TRABD2B: variants seen among roughly 807,000 people sequenced by gnomAD.
TRABD2B encodes the protein metalloprotease TIKI2.
In TRABD2B, 14 loss-of-function variants were observed where a neutral mutation model predicts 40.1. The ratio of observed to expected loss-of-function variants is 0.35; its 90% CI spans 0.23 to 0.55. The LOEUF (loss-of-function observed/expected upper bound fraction) is 0.55, where lower values mean the gene tolerates loss of function less well. Among genes scored for constraint, TRABD2B ranks in the 20% least tolerant of loss-of-function variants. The pLI, the probability that TRABD2B is intolerant of heterozygous loss-of-function variation, is 0.90. For missense variants in TRABD2B, 541 were observed against 648.6 expected, an observed-to-expected ratio of 0.83 and a Z score of 1.80; for synonymous variants, 263 against 277.0, an observed-to-expected ratio of 0.95 and a Z score of 0.50.
intron 2 of TRABD2B, among the ~76,000 whole-genome samples, chr1:47,879,616 C>A (rs1194282463): frequency 6.6e-6 from 1 of 152,218 alleles, no homozygotes; most frequent in African/African-American, 2.4e-5. Flanking sequence ...GGTAAGAAAG[C>A]AATACATTGA....
intron 4 of TRABD2B, among the ~76,000 whole-genome samples, chr1:47,781,780 T>G (rs1226067178): frequency 6.6e-6 from 1 of 152,208 alleles, no homozygotes; most frequent in Non-Finnish European, 1.5e-5. Context: ...GCCCCAGAAC[T>G]GTGTAATGCG....
intron 2 of TRABD2B, among the ~76,000 whole-genome samples, chr1:47,925,770 T>G (rs1329414230): frequency 2.0e-5 from 3 of 152,250 alleles, no homozygotes; most frequent in Admixed American, 6.5e-5. Context: ...CAAGCATTAT[T>G]TTGTTGAATT....
At chr1:47,940,924 C>T (rs74072087) in intron 2 of TRABD2B, among the ~76,000 whole-genome samples, 2,487 of 152,314 alleles carry the variant, frequency 0.016, 65 homozygotes, top group African/African-American at 0.057. Flanking sequence ...AAATGTAGTT[C>T]TCACCACAGC....
Position 47,996,571 on chromosome 1 carries a change from G to T in TRABD2B, c.102+117C>A, listed in dbSNP as rs1036872380. ...GAAGGGCGCCCGAGGCTGCGCCCGG[G>T]GGGTGGAGGTGGAGCGGGCGGGCTA... On this transcript the variant is annotated intron_variant, in intron 1 of 6. Transcript: ENST00000606738. This position sits in a 1 kb window ranked among gnomAD's most constrained non-coding sequence, Gnocchi z 4.6. 40 of 1,125,298 alleles carry T rather than the reference G, an allele frequency of 3.6e-5. No homozygotes were observed. Among genetic ancestry groups the T allele is most frequent in the East Asian group, 2.7e-4 (7 of 25,878 alleles). The allele number at this position is 1,125,298 out of a possible 1,614,324, so 69.7% of individuals were successfully genotyped here. A position where few individuals can be genotyped will look rare whatever the true frequency, so the allele number is the denominator to read the frequency against.
At chr1:47,935,032 G>A (rs1316510994) in intron 2 of TRABD2B, among the ~76,000 whole-genome samples, 1 of 152,168 alleles carries the variant, frequency 6.6e-6, no homozygotes, top group Admixed American at 6.5e-5. Flanking sequence ...TGCCTCAGGA[G>A]GCAGCTTTGG....
At chr1:47,875,591 G>A (rs1290946736) in intron 2 of TRABD2B, among the ~76,000 whole-genome samples, 1 of 150,056 alleles carries the variant, frequency 6.7e-6, no homozygotes, top group African/African-American at 2.4e-5. Context: ...GAAGGCTGAG[G>A]TGGGGGCATC....
chr1:47,914,388 G>C (rs770005274), intron 2 of TRABD2B, among the ~76,000 whole-genome samples: 42 of 152,194 alleles, frequency 2.8e-4, no homozygotes, highest in Non-Finnish European at 4.1e-4. Flanking sequence ...TCAGGCTACC[G>C]TCCTGGTGAC....
rs1025584303 is a variant in TRABD2B at position 47,813,607 on chromosome 1, A to G, written c.667-11988T>C. Among the ~76,000 whole-genome samples the G allele has an allele frequency of 3.3e-5, 5 of 152,176 alleles. No homozygotes were observed. Among genetic ancestry groups the G allele is most frequent in the Non-Finnish European group, 7.3e-5 (5 of 68,040 alleles). On this transcript the variant is annotated intron_variant, in intron 2 of 6. Transcript: ENST00000606738. This position sits in a 1 kb window ranked among gnomAD's most constrained non-coding sequence, Gnocchi z 4.3. ...CTGCGTCTCAGCTTACCCATCTGCC[A>G]AGTGGGGTGTATATTTGTCCTGCCT...
chr1:47,774,485 C>T (rs1455119467), intron 6 of TRABD2B, among the ~76,000 whole-genome samples: 1 of 152,138 alleles, frequency 6.6e-6, no homozygotes, highest in East Asian at 1.9e-4. Flanking sequence ...ACTGAGATTG[C>T]AGGCAGAGGT....
intron 2 of TRABD2B, among the ~76,000 whole-genome samples, chr1:47,822,819 G>A (rs1570047122): frequency 6.6e-6 from 1 of 152,322 alleles, no homozygotes; most frequent in East Asian, 1.9e-4. Context: ...CAGGACACGA[G>A]TAATAAGAAC....
intron 2 of TRABD2B, among the ~76,000 whole-genome samples, chr1:47,946,670 T>C (rs1645264146): frequency 6.6e-6 from 1 of 152,232 alleles, no homozygotes; most frequent in Non-Finnish European, 1.5e-5. Flanking sequence ...ATCAATTTAA[T>C]GACACAAGGG....
intron 2 of TRABD2B, among the ~76,000 whole-genome samples, chr1:47,943,871 A>T (rs17103932): frequency 0.16 from 23,624 of 152,096 alleles, 2,071 homozygotes; most frequent in East Asian, 0.36. Flanking sequence ...CTGGAACTCA[A>T]CCATGAGCAT....
At chr1:47,773,583 C>T (rs1346968099) in intron 6 of TRABD2B, among the ~76,000 whole-genome samples, 1 of 152,228 alleles carries the variant, frequency 6.6e-6, no homozygotes, top group East Asian at 1.9e-4. Flanking sequence ...ACCCCTTTGG[C>T]TTGGTTCTCA....
At chr1:47,806,460 G>GT (rs1190638562) in intron 2 of TRABD2B, among the ~76,000 whole-genome samples, 1 of 152,124 alleles carries the variant, frequency 6.6e-6, no homozygotes, top group Non-Finnish European at 1.5e-5. Flanking sequence ...AACCTTCTTT[G>GT]TACATAGCCT....
At chr1:47,907,472 G>A (rs1644694226) in intron 2 of TRABD2B, among the ~76,000 whole-genome samples, 1 of 152,150 alleles carries the variant, frequency 6.6e-6, no homozygotes, top group South Asian at 2.1e-4. Context: ...CATGTTTCCT[G>A]TGTTCCTTCC....
chr1:47,789,770 C>T (rs958769012), intron 4 of TRABD2B, among the ~76,000 whole-genome samples: 24 of 152,106 alleles, frequency 1.6e-4, no homozygotes, highest in Middle Eastern at 3.2e-3. Flanking sequence ...GTGTCTTCCT[C>T]CACCCAAGGC....
intron 2 of TRABD2B, among the ~76,000 whole-genome samples, chr1:47,836,817 T>A (rs1645325513): frequency 6.6e-6 from 1 of 152,186 alleles, no homozygotes; most frequent in African/African-American, 2.4e-5. Context: ...AGGACACAGC[T>A]AGAAGACTGC....
chr1:47,915,451 G>T (rs573575818), intron 2 of TRABD2B, among the ~76,000 whole-genome samples: 112 of 152,298 alleles, frequency 7.4e-4, no homozygotes, highest in African/African-American at 2.6e-3. Context: ...ATTACCATTT[G>T]CATGTGTATA....
chr1:47,978,845 A>G (rs1019898648), intron 2 of TRABD2B, among the ~76,000 whole-genome samples: 1 of 152,190 alleles, frequency 6.6e-6, no homozygotes, highest in African/African-American at 2.4e-5. Flanking sequence ...TGTGAGGATC[A>G]CGGAATGACC....
Sources: gnomAD v4.1 joint callset for allele counts (sites outside exome capture counted in the v4.1 genomes callset) on GRCh38, gnomAD v4.1.1 for gene constraint, Gnocchi (gnomAD v3.1) non-coding constraint, MANE v1.5 for transcripts, NCBI Gene and HGNC (gene_info 2026-07-23, HGNC 2026-07-21) for gene names.